DENND2A: variants seen among roughly 807,000 people sequenced by gnomAD.
The protein encoded by DENND2A is DENN domain-containing protein 2A.
In DENND2A, 53 loss-of-function variants were observed where a neutral mutation model predicts 105.3. That is an observed-to-expected ratio of 0.50 (90% CI 0.40 to 0.63). The LOEUF is 0.63. Among genes scored for constraint, DENND2A ranks in the 30% least tolerant of loss-of-function variants. DENND2A has a pLI of 0.00. For synonymous variants in DENND2A, 522 were observed against 508.4 expected (o/e 1.03, Z -0.36); for missense variants, 1,138 against 1,279.6 (o/e 0.89, Z 1.69).
chr7:140,538,670 T>C (rs1796536749), intron 14 of DENND2A, among the ~76,000 whole-genome samples: 1 of 150,464 alleles, frequency 6.6e-6, no homozygotes, highest in Non-Finnish European at 1.5e-5. Context: ...CCATGCCCGC[T>C]AATTTTTGTA....
intron 14 of DENND2A, among the ~76,000 whole-genome samples, chr7:140,533,977 G>A (rs1338381119): frequency 7.2e-5 from 11 of 151,868 alleles, no homozygotes; most frequent in Non-Finnish European, 1.3e-4. Context: ...GCAGTGGCAC[G>A]ATCTTGGCTC....
At chr7:140,528,491 C>T (rs917546998) in intron 14 of DENND2A, among the ~76,000 whole-genome samples, 6 of 152,062 alleles carry the variant, frequency 3.9e-5, no homozygotes, top group Non-Finnish European at 7.4e-5. Context: ...TGAGGGCTGC[C>T]GGGCACGGTG....
At chr7:140,618,234 A>G (rs1218228270) in intron 1 of DENND2A, among the ~76,000 whole-genome samples, 1 of 152,200 alleles carries the variant, frequency 6.6e-6, no homozygotes, top group African/African-American at 2.4e-5. Flanking sequence ...CAGGTAAAAT[A>G]TGGTTTAATA....
Position 140,523,900 on chromosome 7 carries a change from C to A in DENND2A, c.2548-476G>T, listed in dbSNP as rs1226900377. On this transcript the variant is annotated intron_variant, in intron 16 of 19. Transcript: ENST00000496613. The surrounding 1 kb of genome is among the most constrained non-coding windows in gnomAD (Gnocchi z 4.5). ...GCCTACTTTTTACAAGCAACGGGAGCCTCGTTTTCCCCACTTGTAAAATGG... is the reference window on the plus strand; with the variant it reads ...GCCTACTTTTTACAAGCAACGGGAGACTCGTTTTCCCCACTTGTAAAATGG... 6.6e-6 allele frequency among the ~76,000 whole-genome samples: 1 copy of A among 151,900 alleles called. No individual in the cohort carries two copies. The highest frequency in any genetic ancestry group is 1.5e-5 in the Non-Finnish European group (1 of 68,032).
intron 1 of DENND2A, among the ~76,000 whole-genome samples, chr7:140,638,745 C>A (rs1303348752): frequency 2.6e-5 from 4 of 152,362 alleles, no homozygotes; most frequent in Non-Finnish European, 5.9e-5. Flanking sequence ...CCTGAAACAA[C>A]CTTCCCTGCT....
At chr7:140,567,406 T>C (rs571318369) in intron 8 of DENND2A, 133 bp from the exon 9 acceptor site, 20 of 743,932 alleles carry the variant, frequency 2.7e-5, no homozygotes, top group Non-Finnish European at 3.9e-5. Context: ...CGAGCTGCAA[T>C]AGGTTATGTA....
At chr7:140,552,447 G>A (rs1797176673) in intron 12 of DENND2A, among the ~76,000 whole-genome samples, 1 of 151,452 alleles carries the variant, frequency 6.6e-6, no homozygotes. Context: ...AGGCTGGAGT[G>A]CACTGGTGTG....
At chr7:140,539,908 T>C (rs1435279317) in intron 14 of DENND2A, among the ~76,000 whole-genome samples, 3 of 152,138 alleles carry the variant, frequency 2.0e-5, no homozygotes, top group Non-Finnish European at 4.4e-5. Context: ...GGGGAGAGCA[T>C]GTGGAGCCAT....
In DENND2A at chr7:140,601,953, TG is replaced by T; in HGVS notation, c.444del (p.Lys149SerfsTer12). The T allele has an allele frequency of 6.2e-7, 1 of 1,614,172 alleles. No homozygotes were observed. Among genetic ancestry groups the T allele is most frequent in the Non-Finnish European group, 8.5e-7 (1 of 1,180,016 alleles). On this transcript the variant is annotated frameshift_variant, in exon 3 of 20. Coordinates refer to ENST00000496613, the MANE Select transcript of DENND2A (RefSeq NM_015689.5). LOFTEE classifies it high-confidence loss of function. ...AGGGGATCGTTCTGAAAGCGTAGCT[TG>T]CCAAGTCTTGGCTCTCGGCCTCGGC... ...SWGRGREPRL[G>X]KLRFQNDPLS...
At chr7:140,627,703 G>A (rs1238673140) in intron 1 of DENND2A, among the ~76,000 whole-genome samples, 1 of 150,904 alleles carries the variant, frequency 6.6e-6, no homozygotes, top group East Asian at 1.9e-4. Context: ...TTTTTTTGTA[G>A]AGACATAGAA....
intron 14 of DENND2A, among the ~76,000 whole-genome samples, chr7:140,530,275 T>C (rs1393924886): frequency 6.6e-6 from 1 of 152,182 alleles, no homozygotes; most frequent in Non-Finnish European, 1.5e-5. Context: ...GCCATCTTTA[T>C]ATGACAATTA....
At chr7:140,627,248 G>A (rs1318313111) in intron 1 of DENND2A, among the ~76,000 whole-genome samples, 2 of 152,074 alleles carry the variant, frequency 1.3e-5, no homozygotes, top group African/African-American at 4.8e-5. Context: ...CTCTTGCTCT[G>A]TCACCCAGGT....
intron 5 of DENND2A, among the ~76,000 whole-genome samples, chr7:140,583,209 T>A (rs2130638194): frequency 6.6e-6 from 1 of 152,114 alleles, no homozygotes; most frequent in East Asian, 1.9e-4. Flanking sequence ...CCTGGGAGGC[T>A]GAGGCAGGAG....
intron 12 of DENND2A, among the ~76,000 whole-genome samples, chr7:140,553,902 C>T (rs1271358823): frequency 2.0e-5 from 3 of 152,188 alleles, no homozygotes; most frequent in Non-Finnish European, 4.4e-5. Flanking sequence ...TCTTTCTACA[C>T]AGACACAGTA....
intron 1 of DENND2A, among the ~76,000 whole-genome samples, chr7:140,607,422 A>G (rs768800691): frequency 2.4e-4 from 37 of 151,690 alleles, no homozygotes; most frequent in Non-Finnish European, 1.2e-4. Flanking sequence ...ACATCTGCCA[A>G]CTGTGTGTGT....
intron 8 of DENND2A, among the ~76,000 whole-genome samples, chr7:140,567,843 T>C (rs1197801180): frequency 6.6e-6 from 1 of 152,180 alleles, no homozygotes; most frequent in African/African-American, 2.4e-5. Flanking sequence ...TGGCCTTGCT[T>C]CATTCTAGAG....
At chr7:140,581,936 T>TCTG (rs1370836079) in intron 5 of DENND2A, among the ~76,000 whole-genome samples, 1 of 151,698 alleles carries the variant, frequency 6.6e-6, no homozygotes, top group Non-Finnish European at 1.5e-5. Context: ...GGAGGAGCGT[T>TCTG]CTGCCCTGAA....
chr7:140,530,991 C>T (rs1236506664), intron 14 of DENND2A, among the ~76,000 whole-genome samples: 2 of 152,196 alleles, frequency 1.3e-5, no homozygotes, highest in East Asian at 3.8e-4. Context: ...CTTGGCCTCC[C>T]AAAGTGCTGG....
At chr7:140,579,669 TA>T (rs1672211403) in intron 5 of DENND2A, among the ~76,000 whole-genome samples, 1 of 152,024 alleles carries the variant, frequency 6.6e-6, no homozygotes. Flanking sequence ...ACAAATCTTT[TA>T]AAAAAATGTA....
Sources: gnomAD v4.1 joint callset for allele counts (sites outside exome capture counted in the v4.1 genomes callset) on GRCh38, gnomAD v4.1.1 for gene constraint, Gnocchi (gnomAD v3.1) non-coding constraint, MANE v1.5 for transcripts, NCBI Gene and HGNC (gene_info 2026-07-23, HGNC 2026-07-21) for gene names.